Variants in FOXN3 observed in about 807,000 individuals in gnomAD.
The protein encoded by FOXN3 is forkhead box protein N3.
In FOXN3, 7 loss-of-function variants were observed where a neutral mutation model predicts 38.4. That is an observed-to-expected ratio of 0.18 (90% CI 0.10 to 0.34). The LOEUF is 0.34. Among genes scored for constraint, FOXN3 ranks in the 10% least tolerant of loss-of-function variants. FOXN3 has a pLI of 1.00. For synonymous variants in FOXN3, 230 were observed against 242.2 expected (o/e 0.95, Z 0.47); for missense variants, 456 against 613.4 (o/e 0.74, Z 2.71).
chr14:89,435,676 T>A (rs1194254800), intron 1 of FOXN3, among the ~76,000 whole-genome samples: 1 of 152,190 alleles, frequency 6.6e-6, no homozygotes, highest in African/African-American at 2.4e-5. Flanking sequence ...AAAGCTGAGG[T>A]CTGTGGTTTC....
intron 1 of FOXN3, among the ~76,000 whole-genome samples, chr14:89,603,901 C>T (rs1231755948): frequency 6.6e-6 from 1 of 152,058 alleles, no homozygotes; most frequent in African/African-American, 2.4e-5. Context: ...TAATAAGAGG[C>T]ATCCAGCTAC....
intron 3 of FOXN3, among the ~76,000 whole-genome samples, chr14:89,332,768 C>A (rs1888287622): frequency 6.6e-6 from 1 of 152,202 alleles, no homozygotes; most frequent in South Asian, 2.1e-4. Flanking sequence ...AAAAAGGCAA[C>A]CTACAGGACG....
chr14:89,533,864 T>C (rs1488682040), intron 1 of FOXN3, among the ~76,000 whole-genome samples: 3 of 152,020 alleles, frequency 2.0e-5, no homozygotes, highest in Admixed American at 6.5e-5. Context: ...ATCTGACCTA[T>C]AACCAAGAAT....
intron 1 of FOXN3, among the ~76,000 whole-genome samples, chr14:89,568,845 G>A (rs1320966309): frequency 6.6e-6 from 1 of 152,224 alleles, no homozygotes; most frequent in Admixed American, 6.5e-5. Context: ...ATTTACACAT[G>A]GTTTGGATCA....
intron 4 of FOXN3, among the ~76,000 whole-genome samples, chr14:89,249,470 C>A (rs1471677331): frequency 6.6e-6 from 1 of 152,210 alleles, no homozygotes; most frequent in Non-Finnish European, 1.5e-5. Flanking sequence ...AACGCAGACA[C>A]CGTGATACTA....
At chr14:89,403,326 T>C (rs1165891340) in intron 2 of FOXN3, among the ~76,000 whole-genome samples, 3 of 151,922 alleles carry the variant, frequency 2.0e-5, no homozygotes, top group Non-Finnish European at 2.9e-5. Flanking sequence ...CTCAGGAGAG[T>C]AGCTGGGACT....
chr14:89,382,020 T>C (rs1218422565), intron 2 of FOXN3, among the ~76,000 whole-genome samples: 1 of 152,050 alleles, frequency 6.6e-6, no homozygotes, highest in Non-Finnish European at 1.5e-5. Flanking sequence ...CTTTGGCCCC[T>C]TGAGTCCATC....
chr14:89,291,463 G>GGGT, intron 3 of FOXN3: 1 of 608,752 alleles, frequency 1.6e-6, no homozygotes, highest in Non-Finnish European at 3.2e-6. Flanking sequence ...CTTCCACGGA[G>GGGT]GGTGCCACAC....
rs1046212700 is a variant in FOXN3, at chr14:89,164,705, A to G, written c.852-1736T>C. Among the ~76,000 whole-genome samples the G allele has an allele frequency of 1.3e-5, 2 of 152,142 alleles. No individual in the cohort carries two copies. Among genetic ancestry groups the G allele is most frequent in the African/African-American group, 4.8e-5 (2 of 41,424 alleles). ...GAAATGACTGTGGGTCTCCACCACC[A>G]TGACTCACCGGGCACACGCTGAGGA... On this transcript the variant is annotated intron_variant, in intron 5 of 5. Transcript: ENST00000557258. The surrounding 1 kb of genome is among the most constrained non-coding windows in gnomAD (Gnocchi z 4.3).
At chr14:89,288,304 T>C (rs142067238) in intron 3 of FOXN3, among the ~76,000 whole-genome samples, 21 of 152,086 alleles carry the variant, frequency 1.4e-4, no homozygotes, top group Non-Finnish European at 2.6e-4. Flanking sequence ...AGATAAGAAA[T>C]GGAATTGCTC....
chr14:89,339,226 G>A (rs1033234761), intron 3 of FOXN3, among the ~76,000 whole-genome samples: 9 of 152,064 alleles, frequency 5.9e-5, no homozygotes, highest in African/African-American at 2.2e-4. Context: ...TGCCCGCCTC[G>A]GCCTCCCAAA....
At chr14:89,533,531 C>T (rs1056831497) in intron 1 of FOXN3, among the ~76,000 whole-genome samples, 3 of 151,934 alleles carry the variant, frequency 2.0e-5, no homozygotes, top group Non-Finnish European at 2.9e-5. Flanking sequence ...GGCATGGTGG[C>T]GGGGGCCTGT....
chr14:89,298,949 T>C (rs1041201310), intron 3 of FOXN3, among the ~76,000 whole-genome samples: 55 of 151,746 alleles, frequency 3.6e-4, no homozygotes, highest in African/African-American at 1.3e-3. Flanking sequence ...TGCCCATTCC[T>C]TGACCCTCAT....
intron 4 of FOXN3, among the ~76,000 whole-genome samples, chr14:89,254,825 G>A (rs767241720): frequency 6.6e-6 from 1 of 152,174 alleles, no homozygotes; most frequent in Non-Finnish European, 1.5e-5. Context: ...CAGACCCAGA[G>A]TGCTCAAGGC....
intron 5 of FOXN3, among the ~76,000 whole-genome samples, chr14:89,173,512 T>C (rs1320197328): frequency 6.6e-6 from 1 of 152,222 alleles, no homozygotes; most frequent in African/African-American, 2.4e-5. Context: ...GCACTGCTTG[T>C]AATATCAAAG....
intron 1 of FOXN3, among the ~76,000 whole-genome samples, chr14:89,604,896 G>A (rs1896237941): frequency 1.3e-5 from 2 of 152,170 alleles, no homozygotes; most frequent in South Asian, 4.1e-4. Context: ...AATATGCTGA[G>A]AGAAAATAAC....
At chr14:89,312,056 A>C (rs1887565610) in intron 3 of FOXN3, among the ~76,000 whole-genome samples, 1 of 151,932 alleles carries the variant, frequency 6.6e-6, no homozygotes, top group South Asian at 2.1e-4. Context: ...AGGCCGAGGC[A>C]GGCGGATCAT....
chr14:89,342,881 G>A (rs922485646), intron 3 of FOXN3, among the ~76,000 whole-genome samples: 1 of 152,090 alleles, frequency 6.6e-6, no homozygotes, highest in Admixed American at 6.5e-5. Context: ...AATATGAGGG[G>A]CATTTAAAAA....
At chr14:89,511,189 CTTTTCTTTCTTTCT>C (rs1176242631) in intron 1 of FOXN3, among the ~76,000 whole-genome samples, 5 of 14,258 alleles carry the variant, frequency 3.5e-4, no homozygotes, top group Admixed American at 2.0e-3. Flanking sequence ...TTCTTTCTTT[CTTTTCTTTCTTTCT>C]TTTCTTTCTT....
Sources: allele counts gnomAD v4.1 joint callset (sites outside exome capture counted in the v4.1 genomes callset), GRCh38; gene constraint gnomAD v4.1.1; non-coding constraint Gnocchi (gnomAD v3.1); transcripts MANE v1.5; gene names NCBI Gene and HGNC (gene_info 2026-07-23, HGNC 2026-07-21).